The following LDB2 variants were observed in gnomAD, a reference collection of about 807,000 sequenced individuals.
The protein encoded by LDB2 is LIM domain-binding protein 2.
Under a neutral mutation model 44.3 loss-of-function variants are expected in LDB2, and 12 were observed. That is an observed-to-expected ratio of 0.27 (90% CI 0.17 to 0.44). The LOEUF is 0.44. Among genes scored for constraint, LDB2 ranks in the 20% least tolerant of loss-of-function variants. The pLI, the probability that LDB2 is intolerant of heterozygous loss-of-function variation, is 1.00. For synonymous variants in LDB2, 164 were observed against 174.8 expected, an observed-to-expected ratio of 0.94 and a Z score of 0.49; for missense variants, 344 against 473.5, an observed-to-expected ratio of 0.73 and a Z score of 2.54.
chr4:16,897,932 A>G (rs1369633078), intron 1 of LDB2, among the ~76,000 whole-genome samples: 70 of 17,682 alleles, frequency 4.0e-3, no homozygotes, highest in Admixed American at 8.2e-3. Flanking sequence ...ATATATATAT[A>G]TATATACACA....
rs140861970 is a variant in LDB2, at chr4:16,845,247, A to G, written c.132+53107T>C. 1.1e-4 allele frequency among the ~76,000 whole-genome samples: 17 copies of G among 152,304 alleles called. No individual in the cohort carries two copies. The East Asian group carries it at 1.9e-3, about 17-fold the overall frequency. On this transcript the variant is annotated intron_variant, in intron 1 of 7. Transcript: ENST00000304523. ...AGATCCCCTGCTCCCAAATTTATAC[A>G]TTAAGCCTCCTTATTAAAGAGCCGT... is the stretch of plus-strand genomic sequence containing the variant.
At chr4:16,586,294 G>C (rs1013965185) in intron 4 of LDB2, among the ~76,000 whole-genome samples, 2 of 151,980 alleles carry the variant, frequency 1.3e-5, no homozygotes, top group Non-Finnish European at 2.9e-5. Context: ...CTTGGCACTC[G>C]GGTCTCCAGC....
chr4:16,507,023 CTA>C (rs1719736213), intron 7 of LDB2: 1 of 152,132 alleles, frequency 6.6e-6, no homozygotes, highest in South Asian at 2.1e-4. Context: ...GCCATTTTCT[CTA>C]TTCAAAATTT....
intron 2 of LDB2, among the ~76,000 whole-genome samples, chr4:16,681,552 T>C (rs1325351174): frequency 2.0e-5 from 3 of 150,598 alleles, no homozygotes; most frequent in Non-Finnish European, 4.4e-5. Context: ...ATTTGTTACA[T>C]AGCAATAAGA....
At chr4:16,530,868 T>TG (rs1729912303) in intron 5 of LDB2, among the ~76,000 whole-genome samples, 1 of 152,348 alleles carries the variant, frequency 6.6e-6, no homozygotes, top group East Asian at 1.9e-4. Context: ...CTCTACGACT[T>TG]GGGTAATTTT....
chr4:16,546,902 C>T (rs956054805), intron 5 of LDB2, among the ~76,000 whole-genome samples: 3 of 152,180 alleles, frequency 2.0e-5, no homozygotes, highest in African/African-American at 7.2e-5. Context: ...TTGCCCCACT[C>T]TTCTGCTCTA....
Position 16,768,693 on chromosome 4 carries a change from C to G in LDB2, c.133-9433G>C, listed in dbSNP as rs537032784. 2.0e-5 allele frequency among the ~76,000 whole-genome samples: 3 copies of G among 152,226 alleles called. No individual in the cohort carries two copies. The East Asian group carries it at 5.8e-4, about 29-fold the overall frequency. ...TCACAAGCCACCCTTTCTCCAAAAC[C>G]AAGGGTCTATCTCGAACCATGTTTA... On this transcript the variant is annotated intron_variant, in intron 1 of 7. Transcript: ENST00000304523.
chr4:16,546,067 A>G (rs1735637746), intron 5 of LDB2, among the ~76,000 whole-genome samples: 1 of 152,238 alleles, frequency 6.6e-6, no homozygotes, highest in Non-Finnish European at 1.5e-5. Flanking sequence ...ATTTTTCCTC[A>G]TTAAGATTTA....
intron 5 of LDB2, among the ~76,000 whole-genome samples, chr4:16,526,612 A>ATAAG (rs1222627452): frequency 6.6e-6 from 1 of 152,240 alleles, no homozygotes; most frequent in African/African-American, 2.4e-5. Flanking sequence ...ATGGGTATTT[A>ATAAG]TAAGTGGAAG....
chr4:16,516,259 T>G (rs1723694492), intron 5 of LDB2, among the ~76,000 whole-genome samples: 1 of 152,248 alleles, frequency 6.6e-6, no homozygotes. Context: ...AATACCCATC[T>G]TATATACTGT....
chr4:16,849,339 A>G (rs996558214), intron 1 of LDB2, among the ~76,000 whole-genome samples: 1 of 152,146 alleles, frequency 6.6e-6, no homozygotes, highest in East Asian at 1.9e-4. Context: ...TCTTGCTATC[A>G]TATTTCTTTT....
chr4:16,523,288 A>T (rs1244672276), intron 5 of LDB2, among the ~76,000 whole-genome samples: 1 of 152,178 alleles, frequency 6.6e-6, no homozygotes, highest in African/African-American at 2.4e-5. Flanking sequence ...AATAAAGTTT[A>T]AGGTACAACA....
intron 2 of LDB2, among the ~76,000 whole-genome samples, chr4:16,642,824 T>C (rs1204212475): frequency 6.6e-6 from 1 of 152,216 alleles, no homozygotes; most frequent in Non-Finnish European, 1.5e-5. Context: ...CAGCAGTGAA[T>C]AGACATTGGA....
At chr4:16,715,589 T>G (rs886171497) in intron 2 of LDB2, among the ~76,000 whole-genome samples, 10 of 152,198 alleles carry the variant, frequency 6.6e-5, no homozygotes, top group African/African-American at 2.4e-4. Flanking sequence ...TCCTTATCCA[T>G]TTTTCCTCTG....
rs1417394252 is a variant in LDB2 at position 16,502,620 on chromosome 4, A to G, written c.*23T>C. 6.2e-7 allele frequency: 1 copy of G among 1,611,626 alleles called. No individual in the cohort carries two copies. Among genetic ancestry groups the G allele is most frequent in the Non-Finnish European group, 8.5e-7 (1 of 1,177,844 alleles). ...AATGATCACCCACGGGCCTATTGACAGTGGATTCTGGTGCCGATCATCTTA... is the reference window on the plus strand; with the variant it reads ...AATGATCACCCACGGGCCTATTGACGGTGGATTCTGGTGCCGATCATCTTA... On this transcript the variant is annotated 3_prime_UTR_variant, in exon 8 of 8. Coordinates refer to ENST00000304523, the MANE Select transcript of LDB2 (RefSeq NM_001290.5).
intron 5 of LDB2, among the ~76,000 whole-genome samples, chr4:16,512,669 CTATTT>C (rs1722254752): frequency 6.6e-6 from 1 of 152,140 alleles, no homozygotes; most frequent in Non-Finnish European, 1.5e-5. Flanking sequence ...ATGGTGAATA[CTATTT>C]TATTTTTATT....
intron 7 of LDB2, 178 bp from the exon 8 acceptor site, chr4:16,503,051 C>T (rs763927982): frequency 5.2e-5 from 80 of 1,541,030 alleles, no homozygotes; most frequent in Non-Finnish European, 6.6e-5. Flanking sequence ...AAATAAACAT[C>T]GCCTCCTGAT....
chr4:16,821,390 T>TA (rs202169528), intron 1 of LDB2, among the ~76,000 whole-genome samples: 1,616 of 121,416 alleles, frequency 0.013, 33 homozygotes, highest in East Asian at 0.085. Flanking sequence ...TTTTTTTATT[T>TA]TTTTTTTTTT....
At chr4:16,895,542 G>A (rs1724720868) in intron 1 of LDB2, among the ~76,000 whole-genome samples, 1 of 148,530 alleles carries the variant, frequency 6.7e-6, no homozygotes, top group Non-Finnish European at 1.5e-5. Context: ...AGTGGGGTGT[G>A]TTTGTGTGTG....
Sources: gnomAD v4.1 joint callset for allele counts (sites outside exome capture counted in the v4.1 genomes callset) on GRCh38, gnomAD v4.1.1 for gene constraint, MANE v1.5 for transcripts, NCBI Gene and HGNC (gene_info 2026-07-23, HGNC 2026-07-21) for gene names.